ZNF10: variants seen among roughly 807,000 people sequenced by gnomAD.
ZNF10 encodes the protein zinc finger protein 10, also known as zinc finger protein 10 (KOX 1).
Under a neutral mutation model 12.2 loss-of-function variants are expected in ZNF10, and 8 were observed. The observed-to-expected ratio is 0.66, with a 90% CI of 0.39 to 1.18. The LOEUF (loss-of-function observed/expected upper bound fraction) is 1.18. Among genes scored for constraint, ZNF10 ranks in the 50% most tolerant of loss-of-function variants. The pLI is 0.01. For synonymous variants in ZNF10, 229 were observed against 228.2 expected, an observed-to-expected ratio of 1.00 and a Z score of -0.03; for missense variants, 603 against 678.9, an observed-to-expected ratio of 0.89 and a Z score of 1.24.
chr12:133,131,353 C>T (rs2137634157), intron 1 of ZNF10, among the ~76,000 whole-genome samples: 1 of 116,164 alleles, frequency 8.6e-6, no homozygotes, highest in East Asian at 2.1e-4. Flanking sequence ...CGCCATCTAA[C>T]ACATAATATG....
chr12:133,152,734 T>G (rs1214356015), intron 4 of ZNF10, among the ~76,000 whole-genome samples: 1 of 152,146 alleles, frequency 6.6e-6, no homozygotes, highest in Non-Finnish European at 1.5e-5. Flanking sequence ...GTTTTGTATT[T>G]AATGTTTTAA....
Position 133,153,369 on chromosome 12 carries a change from T to C in ZNF10, c.256+1465T>C, listed in dbSNP as rs1259077954. 3.3e-5 allele frequency among the ~76,000 whole-genome samples: 5 copies of C among 152,188 alleles called. No homozygotes were observed. The South Asian group carries it at 1.0e-3, about 32-fold the overall frequency. ...ACTGGCATGGTTGTATTACATAATA[T>C]GTGGAAGATTTTAGGATATTAATAA... On this transcript the variant is annotated intron_variant, in intron 4 of 4. Transcript: ENST00000248211.
In ZNF10 at chr12:133,158,363, A is replaced by G. The variant is rs535247911; in HGVS notation, c.*1395A>G. ...TTTACTGAGTTCTCACTTCCCTTAC[A>G]GTCATACATGGTTTTTCCCTTTTGC... is the stretch of plus-strand genomic sequence containing the variant. On this transcript the variant is annotated 3_prime_UTR_variant, in exon 5 of 5. Transcript: ENST00000248211. The G allele has an allele frequency of 1.3e-4, 20 of 152,330 alleles. No homozygotes were observed. The highest frequency in any genetic ancestry group is 1.3e-3 in the Admixed American group (20 of 15,296). The allele number at this position is 152,330 out of a possible 1,614,324, so 9.4% of individuals were successfully genotyped here. A position where few individuals can be genotyped will look rare whatever the true frequency, so the allele number is the denominator to read the frequency against.
intron 4 of ZNF10, among the ~76,000 whole-genome samples, chr12:133,152,501 G>A (rs1234012275): frequency 6.6e-6 from 1 of 151,986 alleles, no homozygotes; most frequent in African/African-American, 2.4e-5. Context: ...TGCAACCTCC[G>A]CCTCCCAGGT....
intron 1 of ZNF10, among the ~76,000 whole-genome samples, chr12:133,137,470 T>A (rs925311555): frequency 1.3e-5 from 2 of 152,168 alleles, no homozygotes; most frequent in Non-Finnish European, 2.9e-5. Flanking sequence ...TTACACATAA[T>A]CTTCTTAGGC....
In ZNF10 at chr12:133,156,598, A is replaced by G. The variant is rs1434676068; in HGVS notation, c.1352A>G (p.His451Arg). 6.2e-7 allele frequency: 1 copy of G among 1,613,988 alleles called. No individual in the cohort carries two copies. Among genetic ancestry groups the G allele is most frequent in the Admixed American group, 1.7e-5 (1 of 59,994 alleles). ...CFSRSSHLYSHQRTHTGEKPY... is the reference protein window; with the variant it reads ...CFSRSSHLYSRQRTHTGEKPY... ...AGTCGAAGCTCTCACCTTTATTCAC[A>G]TCAAAGAACCCACACTGGAGAGAAA... is the stretch of plus-strand genomic sequence containing the variant. Residue 451 changes from histidine to arginine, a missense_variant, in exon 5 of 5, where the codon CAT becomes CGT. Physicochemically the swap from His to Arg is conservative, Grantham distance 29 (BLOSUM62 0). This residue lies in a region of ZNF10 where 204 missense variants were observed against 262.8 expected (regional missense o/e 0.78). Coordinates refer to ENST00000248211, the MANE Select transcript of ZNF10 (RefSeq NM_015394.5).
chr12:133,145,090 G>GC, intron 2 of ZNF10: 2 of 277,942 alleles, frequency 7.2e-6, no homozygotes, highest in South Asian at 2.9e-5. Context: ...CACTGTGTTA[G>GC]CCAGTCTCAA....
chr12:133,151,268 T>C lies in ZNF10; in HGVS notation c.160+114T>C. The C allele has an allele frequency of 2.8e-6, 3 of 1,090,596 alleles. No homozygotes were observed. In the South Asian group the frequency reaches 7.6e-5, roughly 28 times the overall value. 67.6% of individuals were successfully genotyped at this position (1,090,596 alleles called of 1,614,324 possible). A position where few individuals can be genotyped will look rare whatever the true frequency, so the allele number is the denominator to read the frequency against. On this transcript the variant is annotated intron_variant, in intron 3 of 4. Transcript: ENST00000248211. ...GCTTGGCGTTCAGAGACCTAATTTCTTTGAGGCATAGAACAGGGTTTTTTT... is the reference window on the plus strand; with the variant it reads ...GCTTGGCGTTCAGAGACCTAATTTCCTTGAGGCATAGAACAGGGTTTTTTT...
At chr12:133,137,983 T>A (rs1404828597) in intron 1 of ZNF10, among the ~76,000 whole-genome samples, 1 of 152,064 alleles carries the variant, frequency 6.6e-6, no homozygotes, top group East Asian at 1.9e-4. Context: ...ATTAAATAAA[T>A]AATGGTTTAC....
chr12:133,135,061 A>G (rs919775207), intron 1 of ZNF10, among the ~76,000 whole-genome samples: 6 of 152,110 alleles, frequency 3.9e-5, no homozygotes, highest in Non-Finnish European at 7.4e-5. Flanking sequence ...AATCTGCTTG[A>G]GGGAGGGAAA....
At chr12:133,145,681 C>T (rs1955971330) in intron 2 of ZNF10, among the ~76,000 whole-genome samples, 3 of 151,760 alleles carry the variant, frequency 2.0e-5, no homozygotes, top group African/African-American at 7.3e-5. Flanking sequence ...GGCGTGGTGG[C>T]ATAGTCCTAG....
At position 133,158,580 on chromosome 12, in the gene ZNF10, A is replaced by C. The variant is rs1956055775; in HGVS notation, c.*1612A>C. On this transcript the variant is annotated 3_prime_UTR_variant, in exon 5 of 5. Coordinates refer to ENST00000248211, the MANE Select transcript of ZNF10 (RefSeq NM_015394.5). The stretch of plus-strand genomic sequence containing the variant: ...GTTAATAACCCACAAAAGATTCAGG[A>C]AGAGGATCTATTTTAATTTTCTCTT... 1 of 152,324 alleles carries C rather than the reference A, an allele frequency of 6.6e-6. No homozygotes were observed. Among genetic ancestry groups the C allele is most frequent in the South Asian group, 2.1e-4 (1 of 4,828 alleles). 9.4% of individuals were successfully genotyped at this position (152,324 alleles called of 1,614,324 possible).
chr12:133,148,012 ATAT>A (rs986084682), intron 2 of ZNF10, among the ~76,000 whole-genome samples: 1 of 152,020 alleles, frequency 6.6e-6, no homozygotes, highest in African/African-American at 2.4e-5. Context: ...TGATTTGCAA[ATAT>A]TATTTCCTGG....
intron 2 of ZNF10, chr12:133,144,869 T>G (rs1457721821): frequency 2.2e-6 from 1 of 462,646 alleles, no homozygotes; most frequent in East Asian, 6.6e-5. Flanking sequence ...AAACAGGTAT[T>G]TACAAACAGT....
At chr12:133,150,510 T>A (rs1956000696) in intron 2 of ZNF10, among the ~76,000 whole-genome samples, 1 of 152,048 alleles carries the variant, frequency 6.6e-6, no homozygotes, top group Non-Finnish European at 1.5e-5. Context: ...TGCATCTGTC[T>A]CCTGTTTCTT....
At chr12:133,137,127 TC>T (rs2135457725) in intron 1 of ZNF10, among the ~76,000 whole-genome samples, 1 of 152,330 alleles carries the variant, frequency 6.6e-6, no homozygotes, top group South Asian at 2.1e-4. Flanking sequence ...GACATACTGA[TC>T]CTACCCAAAT....
At chr12:133,131,287 CA>C (rs1402835155) in intron 1 of ZNF10, among the ~76,000 whole-genome samples, 1 of 151,656 alleles carries the variant, frequency 6.6e-6, no homozygotes, top group Non-Finnish European at 1.5e-5. Context: ...TTTTCAGAGA[CA>C]GATCATAAGT....
chr12:133,132,641 T>C (rs1412201352), intron 1 of ZNF10, among the ~76,000 whole-genome samples: 1 of 152,222 alleles, frequency 6.6e-6, no homozygotes, highest in Non-Finnish European at 1.5e-5. Flanking sequence ...CAGCCAGGGC[T>C]TTTAATTCTT....
rs372922805 is a variant in ZNF10 at position 133,156,972 on chromosome 12, A to T, written c.*4A>T. ...TATTAGAGAAAATGCTTACTAATAAATATGGGAATTTTTCACAAAGAGCAA... is the reference window on the plus strand; with the variant it reads ...TATTAGAGAAAATGCTTACTAATAATTATGGGAATTTTTCACAAAGAGCAA... On this transcript the variant is annotated 3_prime_UTR_variant, in exon 5 of 5. Coordinates refer to ENST00000248211, the MANE Select transcript of ZNF10 (RefSeq NM_015394.5). 7.1e-7 allele frequency: 1 copy of T among 1,411,912 alleles called. No individual in the cohort carries two copies. The highest frequency in any genetic ancestry group is 9.3e-7 in the Non-Finnish European group (1 of 1,080,400). 87.5% of individuals were successfully genotyped at this position (1,411,912 alleles called of 1,614,324 possible). A position where few individuals can be genotyped will look rare whatever the true frequency, so the allele number is the denominator to read the frequency against.
Sources: gnomAD v4.1 joint callset for allele counts (sites outside exome capture counted in the v4.1 genomes callset) on GRCh38, gnomAD v4.1.1 for gene constraint, gnomAD v4.1.1 regional missense constraint, MANE v1.5 for transcripts, NCBI Gene and HGNC (gene_info 2026-07-23, HGNC 2026-07-21) for gene names.